GBE1: variants seen among roughly 807,000 people sequenced by gnomAD.
The protein encoded by GBE1 is 1,4-alpha-glucan branching enzyme 1.
In GBE1, 70 loss-of-function variants were observed where a neutral mutation model predicts 88.8. The observed-to-expected ratio is 0.79, with a 90% CI of 0.65 to 0.96. GBE1 has a LOEUF of 0.96. Among genes scored for constraint, GBE1 ranks in the 40% least tolerant of loss-of-function variants. The probability of loss-of-function intolerance (pLI) is 0.00; values close to 1 mark genes in which losing one functional copy is unlikely to be tolerated. For missense variants in GBE1, 872 were observed against 871.0 expected (o/e 1.00, Z -0.01); for synonymous variants, 284 against 300.1 (o/e 0.95, Z 0.56).
chr3:81,673,188 A>G (rs1705211895), intron 2 of GBE1, among the ~76,000 whole-genome samples: 2 of 151,928 alleles, frequency 1.3e-5, no homozygotes, highest in African/African-American at 2.4e-5. Context: ...GAATATAAAA[A>G]TCTAGGTACT....
chr3:81,650,079 A>G (rs1704823145), intron 3 of GBE1, 158 bp from the exon 4 acceptor site: 2 of 536,708 alleles, frequency 3.7e-6, no homozygotes, highest in Middle Eastern at 8.4e-4. Context: ...AATTCTATCA[A>G]TGTTGGTTTT....
At chr3:81,533,996 A>T (rs889664912) in intron 14 of GBE1, among the ~76,000 whole-genome samples, 6 of 152,012 alleles carry the variant, frequency 3.9e-5, no homozygotes, top group Non-Finnish European at 4.4e-5. Flanking sequence ...TTATTATGTG[A>T]CAAATACATT....
chr3:81,574,560 C>T (rs758341355), intron 12 of GBE1, among the ~76,000 whole-genome samples: 3 of 152,096 alleles, frequency 2.0e-5, no homozygotes, highest in African/African-American at 2.4e-5. Flanking sequence ...TATTCATAAA[C>T]CATGTATTTG....
At chr3:81,701,474 T>C (rs1175116625) in intron 2 of GBE1, among the ~76,000 whole-genome samples, 1 of 152,050 alleles carries the variant, frequency 6.6e-6, no homozygotes, top group Non-Finnish European at 1.5e-5. Context: ...TTAACAGTAA[T>C]TTTCTGAAAT....
chr3:81,656,493 A>G (rs574350787), intron 3 of GBE1, among the ~76,000 whole-genome samples: 29 of 152,310 alleles, frequency 1.9e-4, no homozygotes, highest in African/African-American at 7.0e-4. Context: ...TAACTTCTGC[A>G]CTTCAAAGCT....
rs1246674743 is a variant in GBE1, at chr3:81,761,564, C to T, written c.-47G>A. The T allele has an allele frequency of 6.4e-7, 1 of 1,565,630 alleles. No homozygotes were observed. Among genetic ancestry groups the T allele is most frequent in the Admixed American group, 1.9e-5 (1 of 53,356 alleles). On this transcript the variant is annotated 5_prime_UTR_variant, in exon 1 of 16. Coordinates refer to ENST00000429644, the MANE Select transcript of GBE1 (RefSeq NM_000158.4). ...CCGAGGCCCGAGAGGTCGAGTGGGGCCTGAGCGGGCGCTGGAGCTCTAGCT... is the reference window on the plus strand; with the variant it reads ...CCGAGGCCCGAGAGGTCGAGTGGGGTCTGAGCGGGCGCTGGAGCTCTAGCT...
intron 13 of GBE1, 34 bp downstream of exon 13, chr3:81,536,877 G>A: frequency 1.3e-6 from 2 of 1,517,786 alleles, no homozygotes; most frequent in Non-Finnish European, 1.8e-6. Flanking sequence ...CCTCATTGGT[G>A]ACTAAAACAC....
At chr3:81,691,997 C>A (rs1422842487) in intron 2 of GBE1, among the ~76,000 whole-genome samples, 1 of 152,020 alleles carries the variant, frequency 6.6e-6, no homozygotes, top group Non-Finnish European at 1.5e-5. Context: ...ATGCTCTAAA[C>A]CTTATTACCC....
Position 81,551,988 on chromosome 3 carries a change from C to T in GBE1, c.1619-14893G>A, listed in dbSNP as rs186509419. ...GCTGGGTCCATACCCTCACTCTACCCCTGCTCTCCCAGTCCTCCCCCTGAT... is the reference window on the plus strand; with the variant it reads ...GCTGGGTCCATACCCTCACTCTACCTCTGCTCTCCCAGTCCTCCCCCTGAT... On this transcript the variant is annotated intron_variant, in intron 12 of 15. Transcript: ENST00000429644. 8.9e-4 allele frequency among the ~76,000 whole-genome samples: 135 copies of T among 152,284 alleles called. 1 individual carries two copies. The Middle Eastern group carries it at 0.017, about 19-fold the overall frequency.
chr3:81,604,595 C>T (rs760440810), intron 7 of GBE1, among the ~76,000 whole-genome samples: 7 of 151,740 alleles, frequency 4.6e-5, no homozygotes, highest in Non-Finnish European at 1.0e-4. Flanking sequence ...AACTCTGAAG[C>T]AGTAAAAATA....
At chr3:81,559,027 A>G (rs1277161816) in intron 12 of GBE1, among the ~76,000 whole-genome samples, 2 of 152,104 alleles carry the variant, frequency 1.3e-5, no homozygotes, top group East Asian at 3.9e-4. Flanking sequence ...GAATAAAGGA[A>G]TTAAGTTGGA....
chr3:81,627,441 T>C (rs575507517), intron 7 of GBE1, among the ~76,000 whole-genome samples: 1 of 152,186 alleles, frequency 6.6e-6, no homozygotes, highest in South Asian at 2.1e-4. Context: ...AATAATGCAA[T>C]CCAATAACTG....
chr3:81,687,990 G>A (rs1349776410), intron 2 of GBE1, among the ~76,000 whole-genome samples: 3 of 152,146 alleles, frequency 2.0e-5, no homozygotes, highest in Non-Finnish European at 1.5e-5. Context: ...TCACTCACCA[G>A]CAGCTTCATT....
chr3:81,694,584 C>T (rs992893869), intron 2 of GBE1, among the ~76,000 whole-genome samples: 2 of 152,048 alleles, frequency 1.3e-5, no homozygotes, highest in African/African-American at 4.8e-5. Flanking sequence ...CAAGGGAGCT[C>T]GGCTTGGAAA....
Position 81,642,880 on chromosome 3 carries a change from T to C in GBE1, c.893A>G (p.Asp298Gly), listed in dbSNP as rs369149857. ...VHSHASKNSA[D>G]GLNMFDGTDS... is the part of the protein sequence containing the mutation. ...TGTCCCATCAAACATATTCAATCCA[T>C]CTGCTGAATTTTTTGAAGCATGGCT... Residue 298 changes from aspartate to glycine, a missense_variant, in exon 7 of 16, where the codon GAT becomes GGT. By Grantham distance (94) the Asp-to-Gly change is moderately conservative. Coordinates refer to ENST00000429644, the MANE Select transcript of GBE1 (RefSeq NM_000158.4). 6.2e-7 allele frequency: 1 copy of C among 1,612,612 alleles called. No individual in the cohort carries two copies. The highest frequency in any genetic ancestry group is 8.5e-7 in the Non-Finnish European group (1 of 1,178,778).
intron 2 of GBE1, among the ~76,000 whole-genome samples, chr3:81,690,739 T>G (rs1283535998): frequency 6.6e-6 from 1 of 152,228 alleles, no homozygotes; most frequent in Non-Finnish European, 1.5e-5. Flanking sequence ...AAACCATTTA[T>G]GACTGTCTTT....
At chr3:81,724,508 G>T (rs1706081027) in intron 1 of GBE1, among the ~76,000 whole-genome samples, 1 of 151,902 alleles carries the variant, frequency 6.6e-6, no homozygotes, top group Admixed American at 6.6e-5. Context: ...AGATTTTTCA[G>T]GAAGGAAAAA....
At chr3:81,578,133 A>T (rs761625502) in intron 11 of GBE1, 37 bp from the exon 12 acceptor site, 3 of 1,491,474 alleles carry the variant, frequency 2.0e-6, no homozygotes, top group Non-Finnish European at 2.7e-6. Flanking sequence ...AATGAAAAAA[A>T]AAAGTGCTAA....
intron 14 of GBE1, among the ~76,000 whole-genome samples, chr3:81,506,570 A>T (rs974436978): frequency 6.6e-6 from 1 of 152,198 alleles, no homozygotes; most frequent in Non-Finnish European, 1.5e-5. Context: ...GTTACAGGGT[A>T]CATACTCAAA....
Sources: allele counts gnomAD v4.1 joint callset (sites outside exome capture counted in the v4.1 genomes callset), GRCh38; gene constraint gnomAD v4.1.1; transcripts MANE v1.5; gene names NCBI Gene and HGNC (gene_info 2026-07-23, HGNC 2026-07-21).